TOX: variants seen among roughly 807,000 people sequenced by gnomAD.
The protein encoded by TOX is thymocyte selection associated high mobility group box, also known as thymocyte selection-associated high mobility group box protein TOX.
In TOX, 11 loss-of-function variants were observed where a neutral mutation model predicts 53.7. The ratio of observed to expected loss-of-function variants is 0.20; its 90% CI spans 0.13 to 0.34. The LOEUF (loss-of-function observed/expected upper bound fraction) is 0.34, where lower values mean the gene tolerates loss of function less well. Among genes scored for constraint, TOX ranks in the 10% least tolerant of loss-of-function variants. The probability of loss-of-function intolerance (pLI) is 1.00; values close to 1 mark genes in which losing one functional copy is unlikely to be tolerated. For missense variants in TOX, 570 were observed against 664.6 expected, an observed-to-expected ratio of 0.86 and a Z score of 1.56; for synonymous variants, 225 against 245.3, an observed-to-expected ratio of 0.92 and a Z score of 0.77.
intron 1 of TOX, among the ~76,000 whole-genome samples, chr8:59,085,572 CA>C (rs1804492770): frequency 6.6e-6 from 1 of 151,962 alleles, no homozygotes; most frequent in Admixed American, 6.6e-5. Flanking sequence ...GATTTTTGTA[CA>C]GACAGAGTCT....
At chr8:59,044,230 C>CA (rs78904701) in intron 1 of TOX, among the ~76,000 whole-genome samples, 1,547 of 114,064 alleles carry the variant, frequency 0.014, 42 homozygotes, top group African/African-American at 0.043. Context: ...TGGCACTCAT[C>CA]AAAAAAAAAA....
rs528385567 is a variant in TOX at position 58,968,063 on chromosome 8, C to A, written c.103-8055G>T. Reference sequence around the variant, plus strand: ...TGATAAATAGAAGAAACAAGAATTGCCTATATCATGAAAGCATTACTCCAT... The same window carrying A: ...TGATAAATAGAAGAAACAAGAATTGACTATATCATGAAAGCATTACTCCAT... On this transcript the variant is annotated intron_variant, in intron 1 of 8. Transcript: ENST00000361421. Among the ~76,000 whole-genome samples, 6 of 152,154 alleles carry A rather than the reference C, an allele frequency of 3.9e-5. No homozygotes were observed. The East Asian group carries it at 1.2e-3, about 29-fold the overall frequency.
At chr8:58,824,658 T>G (rs1810337551) in intron 6 of TOX, among the ~76,000 whole-genome samples, 1 of 152,220 alleles carries the variant, frequency 6.6e-6, no homozygotes, top group Non-Finnish European at 1.5e-5. Flanking sequence ...TAAGCAGATC[T>G]CTTGCTTTAT....
chr8:58,859,806 T>C (rs917896942), intron 3 of TOX, among the ~76,000 whole-genome samples: 4 of 152,182 alleles, frequency 2.6e-5, no homozygotes, highest in Non-Finnish European at 5.9e-5. Context: ...GTCTTAAAAG[T>C]GATGGCTAAA....
chr8:59,036,738 G>A (rs1179675454), intron 1 of TOX, among the ~76,000 whole-genome samples: 1 of 152,174 alleles, frequency 6.6e-6, no homozygotes, highest in Admixed American at 6.5e-5. Context: ...TCTTAACACT[G>A]ATCTCACTGA....
At chr8:58,927,273 T>A (rs903867991) in intron 3 of TOX, among the ~76,000 whole-genome samples, 2 of 152,226 alleles carry the variant, frequency 1.3e-5, no homozygotes, top group African/African-American at 2.4e-5. Context: ...GGCTTTACAC[T>A]GTCAGCTTGA....
At chr8:58,961,693 A>G (rs151212492) in intron 1 of TOX, among the ~76,000 whole-genome samples, 10,099 of 152,152 alleles carry the variant, frequency 0.066, 404 homozygotes, top group East Asian at 0.21. Context: ...ATGCCCAGCT[A>G]ATTTTTGTAT....
Position 58,851,846 on chromosome 8 carries a change from A to C in TOX, c.412-41T>G. ...AAATAAATAAATAAATAAATAAATA[A>C]ATAGGAAAGGAGTAATTTTAACAAA... On this transcript the variant is annotated intron_variant, in intron 3 of 8. Transcript: ENST00000361421. This position sits in a 1 kb window ranked among gnomAD's most constrained non-coding sequence, Gnocchi z 4.4. The C allele has an allele frequency of 7.0e-6, 7 of 997,542 alleles. No individual in the cohort carries two copies. The highest frequency in any genetic ancestry group is 9.0e-6 in the Non-Finnish European group (7 of 780,004). The allele number at this position is 997,542 out of a possible 1,614,324, so 61.8% of individuals were successfully genotyped here. A position where few individuals can be genotyped will look rare whatever the true frequency, so the allele number is the denominator to read the frequency against.
At chr8:59,110,731 GC>G (rs771913895) in intron 1 of TOX, among the ~76,000 whole-genome samples, 8 of 151,648 alleles carry the variant, frequency 5.3e-5, no homozygotes, top group African/African-American at 1.5e-4. Context: ...GGAAAAAGAG[GC>G]CCCCCGGGGG....
At chr8:59,106,747 C>T (rs963872718) in intron 1 of TOX, among the ~76,000 whole-genome samples, 1 of 152,076 alleles carries the variant, frequency 6.6e-6, no homozygotes, top group Non-Finnish European at 1.5e-5. Context: ...CAACATTCAG[C>T]GAAGCGTACC....
At chr8:59,015,859 C>T (rs1195034991) in intron 1 of TOX, among the ~76,000 whole-genome samples, 1 of 152,164 alleles carries the variant, frequency 6.6e-6, no homozygotes, top group East Asian at 1.9e-4. Flanking sequence ...TGAGGCTAAG[C>T]TTTAATGGTT....
intron 3 of TOX, among the ~76,000 whole-genome samples, chr8:58,922,096 T>G (rs138946664): frequency 6.6e-6 from 1 of 152,320 alleles, no homozygotes; most frequent in Non-Finnish European, 1.5e-5. Flanking sequence ...TAGCTGTTCT[T>G]AGTTTAGGAT....
At chr8:58,923,988 C>T in intron 3 of TOX, among the ~76,000 whole-genome samples, 1 of 152,202 alleles carries the variant, frequency 6.6e-6, no homozygotes, top group East Asian at 1.9e-4. Context: ...TGGGAATCAA[C>T]TTTCATATCA....
intron 1 of TOX, among the ~76,000 whole-genome samples, chr8:59,028,022 G>C (rs1335423012): frequency 6.6e-6 from 1 of 152,156 alleles, no homozygotes; most frequent in South Asian, 2.1e-4. Flanking sequence ...GAAATCTTTC[G>C]AAGCATGAAT....
intron 2 of TOX, 103 bp from the exon 3 acceptor site, chr8:58,939,647 G>A: frequency 6.1e-6 from 9 of 1,463,654 alleles, no homozygotes; most frequent in Non-Finnish European, 8.2e-6. Flanking sequence ...AGCAGCATAT[G>A]GATTTGGCAA....
intron 1 of TOX, among the ~76,000 whole-genome samples, chr8:59,031,396 T>C (rs1350235066): frequency 1.3e-5 from 2 of 152,232 alleles, no homozygotes; most frequent in African/African-American, 4.8e-5. Context: ...ATTGATTTTA[T>C]ATAAGATTCA....
chr8:59,063,775 C>A (rs1804037669), intron 1 of TOX, among the ~76,000 whole-genome samples: 1 of 152,104 alleles, frequency 6.6e-6, no homozygotes, highest in Non-Finnish European at 1.5e-5. Flanking sequence ...ACTATAAAAG[C>A]ATATTCCAGC....
chr8:59,056,857 G>GT (rs1310055261), intron 1 of TOX, among the ~76,000 whole-genome samples: 1 of 152,134 alleles, frequency 6.6e-6, no homozygotes, highest in Non-Finnish European at 1.5e-5. Flanking sequence ...AGATCTCTCC[G>GT]TTTTAACTAG....
intron 1 of TOX, among the ~76,000 whole-genome samples, chr8:58,971,003 C>T (rs1181999944): frequency 6.6e-6 from 1 of 152,202 alleles, no homozygotes; most frequent in African/African-American, 2.4e-5. Flanking sequence ...CACTCAGTCA[C>T]TCTAGTTTAA....
Sources: allele counts gnomAD v4.1 joint callset (sites outside exome capture counted in the v4.1 genomes callset), GRCh38; gene constraint gnomAD v4.1.1; non-coding constraint Gnocchi (gnomAD v3.1); transcripts MANE v1.5; gene names NCBI Gene and HGNC (gene_info 2026-07-23, HGNC 2026-07-21).